The following ZMYM4 variants were observed in gnomAD, a reference collection of about 807,000 sequenced individuals.
The protein encoded by ZMYM4 is zinc finger MYM-type protein 4.
In ZMYM4, 31 loss-of-function variants were observed where a neutral mutation model predicts 183.2. The observed-to-expected ratio is 0.17, with a 90% CI of 0.13 to 0.23. The LOEUF (loss-of-function observed/expected upper bound fraction) is 0.23. Among genes scored for constraint, ZMYM4 ranks in the 10% least tolerant of loss-of-function variants. The pLI is 1.00. For synonymous variants in ZMYM4, 592 were observed against 631.2 expected (o/e 0.94, Z 0.93); for missense variants, 1,273 against 1,840.3 (o/e 0.69, Z 5.64).
At chr1:35,310,374 C>T in intron 1 of ZMYM4, 1 of 251,976 alleles carries the variant, frequency 4.0e-6, no homozygotes, top group Non-Finnish European at 7.7e-6. Context: ...ACTAATATTA[C>T]AAGGGTCTCT....
intron 23 of ZMYM4, among the ~76,000 whole-genome samples, chr1:35,403,849 A>G (rs1172372942): frequency 6.6e-6 from 1 of 152,208 alleles, no homozygotes; most frequent in Non-Finnish European, 1.5e-5. Context: ...GTTTTAAGCT[A>G]TAAATGCTGT....
rs933803296 is a variant in ZMYM4 at position 35,417,655 on chromosome 1, G to C, written c.4310-788G>C. On this transcript the variant is annotated intron_variant, in intron 28 of 29. Transcript: ENST00000314607. ...GAGTTCAAGGCTGCGGAGATTCAAGGCTGCTGTGATCACACCATCATGCTC... is the reference window on the plus strand; with the variant it reads ...GAGTTCAAGGCTGCGGAGATTCAAGCCTGCTGTGATCACACCATCATGCTC... 2.6e-5 allele frequency among the ~76,000 whole-genome samples: 4 copies of C among 151,844 alleles called. No individual in the cohort carries two copies. The South Asian group carries it at 6.3e-4, about 24-fold the overall frequency.
intron 1 of ZMYM4, among the ~76,000 whole-genome samples, chr1:35,296,843 C>CTTTTTTTTTTTTTTTTTTTTTTTTT (rs780202714): frequency 1.2e-4 from 11 of 95,598 alleles, no homozygotes; most frequent in East Asian, 7.1e-4. Flanking sequence ...TTCTTTCTTT[C>CTTTTTTTTTTTTTTTTTTTTTTTTT]TTTTTTTTTT....
At chr1:35,347,753 G>A (rs1643452609) in intron 2 of ZMYM4, among the ~76,000 whole-genome samples, 1 of 152,040 alleles carries the variant, frequency 6.6e-6, no homozygotes, top group Non-Finnish European at 1.5e-5. Flanking sequence ...GGGTATAGTT[G>A]GGTCATTGGT....
At position 35,421,318 on chromosome 1, in the gene ZMYM4, C is replaced by G. The variant is rs1052308548; in HGVS notation, c.*1641C>G. ...ACTGTATGAAAGAAGTAAATCCACC[C>G]CGATTCTGTATGATTAATTCCATCT... is the stretch of plus-strand genomic sequence containing the variant. On this transcript the variant is annotated 3_prime_UTR_variant, in exon 30 of 30. Coordinates refer to ENST00000314607, the MANE Select transcript of ZMYM4 (RefSeq NM_005095.3). The G allele has an allele frequency of 5.9e-5, 9 of 152,542 alleles. No individual in the cohort carries two copies. The highest frequency in any genetic ancestry group is 2.2e-4 in the African/African-American group (9 of 41,400). 9.4% of individuals were successfully genotyped at this position (152,542 alleles called of 1,614,324 possible). A position where few individuals can be genotyped will look rare whatever the true frequency, so the allele number is the denominator to read the frequency against.
rs1640283767 is a variant in ZMYM4 at position 35,420,335 on chromosome 1, C to G, written c.*658C>G. 1 of 153,438 alleles carries G rather than the reference C, an allele frequency of 6.5e-6. No individual in the cohort carries two copies. The highest frequency in any genetic ancestry group is 1.5e-5 in the Non-Finnish European group (1 of 68,762). 9.5% of individuals were successfully genotyped at this position (153,438 alleles called of 1,614,324 possible). On this transcript the variant is annotated 3_prime_UTR_variant, in exon 30 of 30. Transcript: ENST00000314607. The stretch of plus-strand genomic sequence containing the variant: ...TGTCCCTTTCATTTTCTGGATCAAG[C>G]CTTCTCAGCGGTGGGTCTGGATGTG...
At chr1:35,326,263 A>G (rs1642499636) in intron 2 of ZMYM4, among the ~76,000 whole-genome samples, 1 of 152,244 alleles carries the variant, frequency 6.6e-6, no homozygotes, top group Non-Finnish European at 1.5e-5. Context: ...AACACTTCTA[A>G]TATTAAACAT....
chr1:35,322,305 T>C (rs1458201959), intron 1 of ZMYM4, among the ~76,000 whole-genome samples: 1 of 152,232 alleles, frequency 6.6e-6, no homozygotes, highest in East Asian at 1.9e-4. Flanking sequence ...TTTTCATTCA[T>C]ATTACCTTTA....
At chr1:35,347,253 G>A (rs1643431842) in intron 2 of ZMYM4, among the ~76,000 whole-genome samples, 2 of 151,984 alleles carry the variant, frequency 1.3e-5, no homozygotes, top group South Asian at 2.1e-4. Flanking sequence ...GTGATCCACC[G>A]GCCTCGGCCT....
In ZMYM4 at chr1:35,409,810, C is replaced by T. The variant is rs1388849637; in HGVS notation, c.3948+1651C>T. ...CAAAAATTAGCTGGGCGTGGTGGCA[C>T]ATGCCTGTAGTCCCAGCTACTCGGA... On this transcript the variant is annotated intron_variant, in intron 26 of 29. Transcript: ENST00000314607. Among the ~76,000 whole-genome samples the T allele has an allele frequency of 3.9e-5, 6 of 152,066 alleles. No individual in the cohort carries two copies. In the East Asian group the frequency reaches 9.7e-4, roughly 24 times the overall value.
intron 2 of ZMYM4, among the ~76,000 whole-genome samples, chr1:35,355,050 T>C (rs954982680): frequency 6.6e-5 from 10 of 151,892 alleles, no homozygotes; most frequent in Non-Finnish European, 1.5e-4. Flanking sequence ...TATTTTTTAT[T>C]TTTGAGACAG....
At chr1:35,417,238 C>CAA (rs755183094) in intron 28 of ZMYM4, among the ~76,000 whole-genome samples, 7 of 83,542 alleles carry the variant, frequency 8.4e-5, no homozygotes, top group East Asian at 3.2e-4. Context: ...CCCTGTCTCC[C>CAA]AAAAAAAAAA....
chr1:35,378,445 A>G (rs1570476490), intron 7 of ZMYM4, among the ~76,000 whole-genome samples: 1 of 152,336 alleles, frequency 6.6e-6, no homozygotes, highest in African/African-American at 2.4e-5. Context: ...GCAAAAGTTG[A>G]AATTACTCCT....
chr1:35,352,369 A>G (rs1643654044), intron 2 of ZMYM4, among the ~76,000 whole-genome samples: 1 of 145,970 alleles, frequency 6.9e-6, no homozygotes. Context: ...GTCTCTACTA[A>G]TAATTTAAAA....
chr1:35,387,196 G>A lies in ZMYM4; in HGVS notation c.2030G>A (p.Gly677Glu). The A allele has an allele frequency of 6.2e-7, 1 of 1,614,154 alleles. No individual in the cohort carries two copies. Among genetic ancestry groups the A allele is most frequent in the Non-Finnish European group, 8.5e-7 (1 of 1,180,030 alleles). Residue 677 changes from glycine (G) to glutamate (E), a missense_variant, in exon 12 of 30, where the codon GGG becomes GAG. Around this residue, in one of 6 missense-constraint regions of ZMYM4, gnomAD observed 319 missense variants for 518.1 expected, o/e 0.62. Coordinates refer to ENST00000314607, the MANE Select transcript of ZMYM4 (RefSeq NM_005095.3). ...CTCGCTGCCCAGTCCCAGCATGTTG[G>A]GTTTGCACGAAGTGTTGTGAAACTC... is the stretch of plus-strand genomic sequence containing the variant. ...QRLAAQSQHV[G>E]FARSVVKLKC... is the part of the protein sequence containing the mutation.
intron 2 of ZMYM4, among the ~76,000 whole-genome samples, chr1:35,332,846 CT>C (rs1463256236): frequency 5.9e-5 from 9 of 152,222 alleles, no homozygotes; most frequent in Middle Eastern, 3.4e-3. Context: ...AGGCCTGCAC[CT>C]CTGCACTTGC....
chr1:35,296,721 G>A (rs1641030217), intron 1 of ZMYM4, among the ~76,000 whole-genome samples: 1 of 152,066 alleles, frequency 6.6e-6, no homozygotes. Flanking sequence ...AGATACAGAG[G>A]GCAGGTGGAA....
Position 35,392,170 on chromosome 1 carries a change from T to C in ZMYM4, c.2588-42T>C, listed in dbSNP as rs773780922. On this transcript the variant is annotated intron_variant, in intron 15 of 29. Coordinates refer to ENST00000314607, the MANE Select transcript of ZMYM4 (RefSeq NM_005095.3). Reference sequence around the variant, plus strand: ...GAAATGGTTTCTGTGTAAGTACATATAAATCACGTGAGGTTTCCTTATTTT... The same window carrying C: ...GAAATGGTTTCTGTGTAAGTACATACAAATCACGTGAGGTTTCCTTATTTT... 9 of 1,613,122 alleles carry C rather than the reference T, an allele frequency of 5.6e-6. No homozygotes were observed. The Middle Eastern group carries it at 5.0e-4, about 89-fold the overall frequency.
At chr1:35,343,785 A>C (rs1289139141) in intron 2 of ZMYM4, among the ~76,000 whole-genome samples, 1 of 151,208 alleles carries the variant, frequency 6.6e-6, no homozygotes, top group Non-Finnish European at 1.5e-5. Flanking sequence ...AATTGCTTGC[A>C]CCCGGGAGGC....
Sources: allele counts gnomAD v4.1 joint callset (sites outside exome capture counted in the v4.1 genomes callset), GRCh38; gene constraint gnomAD v4.1.1; regional missense constraint gnomAD v4.1.1; transcripts MANE v1.5; gene names NCBI Gene and HGNC (gene_info 2026-07-23, HGNC 2026-07-21).